Variants in FARS2 observed in about 807,000 individuals in gnomAD.
The protein encoded by FARS2 is phenylalanyl-tRNA synthetase 2, mitochondrial.
Under a neutral mutation model 46.4 loss-of-function variants are expected in FARS2, and 40 were observed. That is an observed-to-expected ratio of 0.86 (90% CI 0.67 to 1.12). FARS2 has a LOEUF of 1.12. Ranked by LOEUF, FARS2 falls within the 50% of genes most tolerant of loss-of-function variation. The pLI, the probability that FARS2 is intolerant of heterozygous loss-of-function variation, is 0.00. For missense variants in FARS2, 513 were observed against 567.9 expected, an observed-to-expected ratio of 0.90 and a Z score of 0.98; for synonymous variants, 234 against 214.9, an observed-to-expected ratio of 1.09 and a Z score of -0.78.
At chr6:5,269,594 G>A (rs1300028302) in intron 1 of FARS2, among the ~76,000 whole-genome samples, 1 of 152,076 alleles carries the variant, frequency 6.6e-6, no homozygotes, top group East Asian at 1.9e-4. Flanking sequence ...TCGAATGAGT[G>A]TATTAGCCGC....
intron 1 of FARS2, among the ~76,000 whole-genome samples, chr6:5,306,994 A>C (rs1768753528): frequency 6.6e-6 from 1 of 152,212 alleles, no homozygotes; most frequent in South Asian, 2.1e-4. Flanking sequence ...CCTCCAACAG[A>C]ATGCAAACCA....
chr6:5,438,468 T>G (rs1763663547), intron 4 of FARS2, among the ~76,000 whole-genome samples: 1 of 151,974 alleles, frequency 6.6e-6, no homozygotes, highest in African/African-American at 2.4e-5. Context: ...TCATCTCCAT[T>G]CTGCTGCCTT....
chr6:5,704,475 C>G (rs1758622718), intron 6 of FARS2, among the ~76,000 whole-genome samples: 2 of 152,206 alleles, frequency 1.3e-5, no homozygotes, highest in Non-Finnish European at 2.9e-5. Flanking sequence ...CCATATGCTA[C>G]AAGGACTGTC....
At chr6:5,708,486 G>C (rs1468362516) in intron 6 of FARS2, among the ~76,000 whole-genome samples, 3 of 152,072 alleles carry the variant, frequency 2.0e-5, no homozygotes, top group African/African-American at 7.2e-5. Flanking sequence ...GTCCTGAAGG[G>C]AATCAGGTGA....
chr6:5,310,073 C>T (rs750062579), intron 1 of FARS2, among the ~76,000 whole-genome samples: 1 of 151,966 alleles, frequency 6.6e-6, no homozygotes, highest in African/African-American at 2.4e-5. Context: ...CTGAAATGGA[C>T]CTGAAATTAG....
intron 4 of FARS2, among the ~76,000 whole-genome samples, chr6:5,544,447 C>G (rs1255841170): frequency 6.6e-6 from 1 of 152,172 alleles, no homozygotes; most frequent in Non-Finnish European, 1.5e-5. Context: ...ATTTCATAAG[C>G]TTTCCTGCAG....
intron 1 of FARS2, among the ~76,000 whole-genome samples, chr6:5,262,186 G>C (rs531803006): frequency 3.3e-4 from 51 of 152,278 alleles, no homozygotes; most frequent in Middle Eastern, 3.4e-3. Flanking sequence ...ACTTGGTCAC[G>C]GTTGTGTTCT....
At chr6:5,385,980 T>G (rs1760107463) in intron 2 of FARS2, among the ~76,000 whole-genome samples, 1 of 152,160 alleles carries the variant, frequency 6.6e-6, no homozygotes, top group African/African-American at 2.4e-5. Context: ...CCACACATTC[T>G]TGGGAAGCTC....
chr6:5,329,129 TTA>T (rs1770609008), intron 1 of FARS2, among the ~76,000 whole-genome samples: 3 of 140,024 alleles, frequency 2.1e-5, no homozygotes, highest in African/African-American at 2.7e-5. Flanking sequence ...TGTTTCTATA[TTA>T]AAAAAAAAAA....
intron 6 of FARS2, among the ~76,000 whole-genome samples, chr6:5,655,756 C>G (rs984515532): frequency 6.6e-6 from 1 of 152,206 alleles, no homozygotes; most frequent in African/African-American, 2.4e-5. Context: ...GCAATATTTT[C>G]TCAGGTTCCA....
chr6:5,470,306 G>A (rs566474727), intron 4 of FARS2, among the ~76,000 whole-genome samples: 2 of 152,282 alleles, frequency 1.3e-5, no homozygotes, highest in African/African-American at 4.8e-5. Flanking sequence ...ATAAGTAGAC[G>A]TAGAGATGAT....
upstream of FARS2, among the ~76,000 whole-genome samples, chr6:5,259,496 A>C (rs1261716104): frequency 2.6e-5 from 4 of 152,240 alleles, no homozygotes; most frequent in South Asian, 6.2e-4. Flanking sequence ...TTGCAGCATG[A>C]GTATATTTTC....
intron 1 of FARS2, among the ~76,000 whole-genome samples, chr6:5,304,445 T>C (rs1333154136): frequency 6.6e-6 from 1 of 152,240 alleles, no homozygotes; most frequent in Non-Finnish European, 1.5e-5. Flanking sequence ...TAGTCTCTTA[T>C]GATAGAGTCT....
intron 6 of FARS2, among the ~76,000 whole-genome samples, chr6:5,697,843 A>G (rs1758196648): frequency 1.3e-5 from 2 of 152,180 alleles, no homozygotes; most frequent in African/African-American, 2.4e-5. Context: ...AGAGGTCTGA[A>G]AAGAATATCA....
intron 2 of FARS2, among the ~76,000 whole-genome samples, chr6:5,373,123 T>C (rs570503386): frequency 6.6e-6 from 1 of 152,146 alleles, no homozygotes; most frequent in East Asian, 1.9e-4. Flanking sequence ...CAGAAACAGG[T>C]AGTATAGGGA....
intron 4 of FARS2, among the ~76,000 whole-genome samples, chr6:5,511,840 C>G (rs1461553771): frequency 6.6e-6 from 1 of 152,082 alleles, no homozygotes; most frequent in Non-Finnish European, 1.5e-5. Flanking sequence ...TGCTGAGAAC[C>G]CTAAATAGAA....
intron 4 of FARS2, among the ~76,000 whole-genome samples, chr6:5,508,128 T>C (rs933054196): frequency 6.6e-6 from 1 of 152,170 alleles, no homozygotes; most frequent in Non-Finnish European, 1.5e-5. Flanking sequence ...TAATGGGGAG[T>C]TATTAACTCT....
At chr6:5,265,140 A>G (rs749753165) in intron 1 of FARS2, among the ~76,000 whole-genome samples, 4 of 152,232 alleles carry the variant, frequency 2.6e-5, no homozygotes, top group Non-Finnish European at 5.9e-5. Flanking sequence ...GAGTAATATT[A>G]GTAAACGCTA....
intron 6 of FARS2, among the ~76,000 whole-genome samples, chr6:5,626,896 T>G (rs1467950307): frequency 1.3e-5 from 2 of 152,230 alleles, no homozygotes; most frequent in African/African-American, 4.8e-5. Flanking sequence ...ATAGGCTGTA[T>G]GGGGTACAGT....
Sources: allele counts gnomAD v4.1 joint callset (sites outside exome capture counted in the v4.1 genomes callset), GRCh38; gene constraint gnomAD v4.1.1; transcripts MANE v1.5; gene names NCBI Gene and HGNC (gene_info 2026-07-23, HGNC 2026-07-21).